Variants in CDK20 observed in about 807,000 individuals in gnomAD.
CDK20 encodes cyclin-dependent kinase 20.
A neutral mutation model predicts 38.6 loss-of-function variants in CDK20; 40 were observed. That is an observed-to-expected ratio of 1.04 (90% confidence interval 0.81 to 1.35). The LOEUF (loss-of-function observed/expected upper bound fraction) is 1.35. CDK20 is among the 40% of genes most tolerant of loss of function. The pLI, the probability that CDK20 is intolerant of heterozygous loss-of-function variation, is 0.00. For missense variants in CDK20, 512 were observed against 452.6 expected, an observed-to-expected ratio of 1.13 and a Z score of -1.19; for synonymous variants, 209 against 185.7, an observed-to-expected ratio of 1.13 and a Z score of -1.02.
At position 87,967,557 on chromosome 9, in the gene CDK20, C is replaced by A; in HGVS notation, c.946G>T (p.Gly316Trp). The A allele has an allele frequency of 6.4e-7, 1 of 1,551,934 alleles. No individual in the cohort carries two copies. The highest frequency in any genetic ancestry group is 8.7e-7 in the Non-Finnish European group (1 of 1,147,094). ...TGGAAGTCATGGATGTGGGGGGGCCCTGGATGGGCCTTGGGGGCAGGTCCC... is the reference window on the plus strand; with the variant it reads ...TGGAAGTCATGGATGTGGGGGGGCCATGGATGGGCCTTGGGGGCAGGTCCC... ...LGGPAPKAHP[G>W]PPHIHDFHVD... The change falls in exon 8 of 8, where the codon GGG becomes TGG. Residue 316 changes from glycine (G) to tryptophan (W), a missense_variant. Coordinates refer to ENST00000325303, the MANE Select transcript of CDK20 (RefSeq NM_001039803.3).
In CDK20 at chr9:87,969,044, C is replaced by T. The variant is rs934649052; in HGVS notation, c.843+150G>A. The T allele has an allele frequency of 9.1e-6, 8 of 874,378 alleles. No individual in the cohort carries two copies. In the African/African-American group the frequency reaches 1.2e-4, roughly 13 times the overall value. The allele number at this position is 874,378 out of a possible 1,614,324, so 54.2% of individuals were successfully genotyped here. A position where few individuals can be genotyped will look rare whatever the true frequency, so the allele number is the denominator to read the frequency against. ...GCACACCTGCTCCAAGGCCCCTGTC[C>T]CCTGGGTTCCAGATGTCTGGTGCTG... On this transcript the variant is annotated intron_variant, in intron 7 of 7. Coordinates refer to ENST00000325303, the MANE Select transcript of CDK20 (RefSeq NM_001039803.3).
Position 87,971,146 on chromosome 9 carries a change from C to T in CDK20, c.378+1G>A. 1 of 1,613,332 alleles carries T rather than the reference C, an allele frequency of 6.2e-7. No individual in the cohort carries two copies. Among genetic ancestry groups the T allele is most frequent in the Non-Finnish European group, 8.5e-7 (1 of 1,179,426 alleles). On this transcript the variant is annotated splice_donor_variant, in intron 3 of 7. Transcript: ENST00000325303. LOFTEE classifies it high-confidence loss of function. ...CATGCCCGGCCTATGCTGAGACTGA[C>T]CCGATGTACAATGTTGTTGGCATGG...
chr9:87,970,547 G>T, intron 5 of CDK20, 21 bp downstream of exon 5: 4 of 1,608,334 alleles, frequency 2.5e-6, no homozygotes, highest in South Asian at 1.1e-5. Flanking sequence ...GTTACCCTTT[G>T]ACCACCCACA....
At position 87,969,489 on chromosome 9, in the gene CDK20, C is replaced by G. The variant is rs553708816; in HGVS notation, c.688-140G>C. 7.6e-6 allele frequency: 7 copies of G among 925,628 alleles called. No individual in the cohort carries two copies. In the African/African-American group the frequency reaches 1.2e-4, roughly 15 times the overall value. 57.3% of individuals were successfully genotyped at this position (925,628 alleles called of 1,614,324 possible). On this transcript the variant is annotated intron_variant, in intron 6 of 7. Transcript: ENST00000325303. ...CCATGTGTCTCCCTGACCCATCATTCATTCACTCACCCACCCCTGTATTCC... is the reference window on the plus strand; with the variant it reads ...CCATGTGTCTCCCTGACCCATCATTGATTCACTCACCCACCCCTGTATTCC...
chr9:87,971,991 C>T (rs971239359), intron 2 of CDK20, among the ~76,000 whole-genome samples: 40 of 152,262 alleles, frequency 2.6e-4, no homozygotes, highest in African/African-American at 8.7e-4. Flanking sequence ...ATGGCTTGAA[C>T]CCAGGTGTTT....
Position 87,969,927 on chromosome 9 carries a change from C to T in CDK20, c.564-8G>A. ...ATGATGCAGCCCACAGACCTGTGGA[C>T]ACAGAGCCCCAAGCAGGTCAGAGAT... On this transcript the variant is annotated splice_region_variant and splice_polypyrimidine_tract_variant and intron_variant, in intron 5 of 7. Transcript: ENST00000325303. 6.4e-7 allele frequency: 1 copy of T among 1,552,142 alleles called. No individual in the cohort carries two copies. The highest frequency in any genetic ancestry group is 8.7e-7 in the Non-Finnish European group (1 of 1,147,430).
chr9:87,971,430 G>A, intron 2 of CDK20, 95 bp from the exon 3 acceptor site: 2 of 1,159,476 alleles, frequency 1.7e-6, no homozygotes, highest in Non-Finnish European at 2.4e-6. Context: ...AGAGGACCCT[G>A]TATCCAAAAA....
At chr9:87,970,714 G>T in intron 4 of CDK20, 62 bp downstream of exon 4, 1 of 1,612,906 alleles carries the variant, frequency 6.2e-7, no homozygotes, top group Non-Finnish European at 8.5e-7. Context: ...AATGTCTGGA[G>T]AAAAGGCCCA....
At chr9:87,972,879 C>A (rs540411451) in intron 2 of CDK20, among the ~76,000 whole-genome samples, 2 of 152,166 alleles carry the variant, frequency 1.3e-5, no homozygotes, top group East Asian at 1.9e-4. Flanking sequence ...TTGCTGTTTT[C>A]GGATTTTTCA....
chr9:87,971,540 C>T (rs1177964438), intron 2 of CDK20, among the ~76,000 whole-genome samples: 2 of 152,208 alleles, frequency 1.3e-5, no homozygotes, highest in Non-Finnish European at 2.9e-5. Context: ...TGCCCCCACT[C>T]TAATTCTCCA....
chr9:87,967,641 A>G lies in CDK20; in HGVS notation c.862T>C (p.Phe288Leu), dbSNP rs1187037434. The G allele has an allele frequency of 3.4e-6, 5 of 1,488,234 alleles. No homozygotes were observed. Among genetic ancestry groups the G allele is most frequent in the Non-Finnish European group, 4.5e-6 (5 of 1,115,114 alleles). The allele number at this position is 1,488,234 out of a possible 1,614,324, so 92.2% of individuals were successfully genotyped here. Residue 288 changes from phenylalanine (F) to leucine (L), a missense_variant, in exon 8 of 8, where the codon TTC becomes CTC. Transcript: ENST00000325303. ...TGGGCAGGCAGGGGAGCTGTGAAGA[A>G]GTACTGATGGAGGAGAGCCTGAGGG... ...AASKALLHQY[F>L]FTAPLPAHPS...
At chr9:87,972,814 A>G (rs1299348532) in intron 2 of CDK20, among the ~76,000 whole-genome samples, 1 of 152,212 alleles carries the variant, frequency 6.6e-6, no homozygotes, top group East Asian at 1.9e-4. Context: ...CACCTATCCC[A>G]CACATGGCTG....
chr9:87,971,289 A>T lies in CDK20; in HGVS notation c.236T>A (p.Leu79Gln). The change falls in exon 3 of 8, where the codon CTG (leucine) becomes CAG (glutamine). Residue 79 changes from leucine (L) to glutamine (Q), a missense_variant. Transcript: ENST00000325303. ...AVFPHGGGFV[L>Q]AFEFMLSDLA... ...ATCCGACAGCATGAACTCAAAGGCCAGCACAAAGCCTCCACCGTGTGGGAA... is the reference window on the plus strand; with the variant it reads ...ATCCGACAGCATGAACTCAAAGGCCTGCACAAAGCCTCCACCGTGTGGGAA... The T allele has an allele frequency of 6.2e-7, 1 of 1,614,032 alleles. No homozygotes were observed. The highest frequency in any genetic ancestry group is 8.5e-7 in the Non-Finnish European group (1 of 1,179,960).
chr9:87,972,058 A>T (rs1829899461), intron 2 of CDK20, among the ~76,000 whole-genome samples: 1 of 152,068 alleles, frequency 6.6e-6, no homozygotes, highest in Non-Finnish European at 1.5e-5. Flanking sequence ...ACAAAAAACT[A>T]GCCAGGCATG....
In CDK20 at chr9:87,973,988, C is replaced by T. The variant is rs665983; in HGVS notation, c.123G>A (p.Glu41=). 0.86 allele frequency: 1,389,588 copies of T among 1,613,934 alleles called. 609,249 individuals are homozygous for T. Among genetic ancestry groups the T allele is most frequent in the Non-Finnish European group, 0.91 (1,068,745 of 1,179,950 alleles). ...ALKKVALRRL[E]DGFPNQALRE... ...GCAGGGCCTGGTTAGGGAAGCCGTC[C>T]TCCAACCGCCTTAGGGCCACCTTCT... The change falls in exon 2 of 8, where the codon GAG becomes GAA. Residue 41 remains glutamate, a synonymous_variant. Coordinates refer to ENST00000325303, the MANE Select transcript of CDK20 (RefSeq NM_001039803.3).
chr9:87,973,846 T>C (rs1830033576), intron 2 of CDK20, 76 bp downstream of exon 2: 2 of 1,465,726 alleles, frequency 1.4e-6, no homozygotes, highest in South Asian at 1.2e-5. Flanking sequence ...AAGGCGTAGC[T>C]GGGAAAATGA....
chr9:87,967,254 C>T lies in CDK20; in HGVS notation c.*208G>A. The T allele has an allele frequency of 1.4e-6, 1 of 700,354 alleles. No homozygotes were observed. Among genetic ancestry groups the T allele is most frequent in the Non-Finnish European group, 2.6e-6 (1 of 383,918 alleles). The allele number at this position is 700,354 out of a possible 1,614,324, so 43.4% of individuals were successfully genotyped here. Reference sequence around the variant, plus strand: ...CTCACCGAGCACAGGCCATGAATCTCCTCTGCTCGACTGGATGTTCTCATA... The same window carrying T: ...CTCACCGAGCACAGGCCATGAATCTTCTCTGCTCGACTGGATGTTCTCATA... On this transcript the variant is annotated 3_prime_UTR_variant, in exon 8 of 8. Transcript: ENST00000325303.
chr9:87,973,499 T>A (rs144753656), intron 2 of CDK20, among the ~76,000 whole-genome samples: 455 of 152,176 alleles, frequency 3.0e-3, no homozygotes, highest in African/African-American at 9.8e-3. Context: ...TGACATAACC[T>A]CCTCCTCTCA....
chr9:87,972,531 G>A (rs1187621546), intron 2 of CDK20, among the ~76,000 whole-genome samples: 1 of 152,148 alleles, frequency 6.6e-6, no homozygotes, highest in African/African-American at 2.4e-5. Flanking sequence ...AGGCCAGCTG[G>A]AGGTGGGCAC....
Sources: gnomAD v4.1 joint callset for allele counts (sites outside exome capture counted in the v4.1 genomes callset) on GRCh38, gnomAD v4.1.1 for gene constraint, MANE v1.5 for transcripts, NCBI Gene and HGNC (gene_info 2026-07-23, HGNC 2026-07-21) for gene names.